The following CAMK2B variants were observed in gnomAD, a reference collection of about 807,000 sequenced individuals.
The protein encoded by CAMK2B is calcium/calmodulin dependent protein kinase II beta.
Under a neutral mutation model 93.7 loss-of-function variants are expected in CAMK2B, and 27 were observed. That is an observed-to-expected ratio of 0.29 (90% CI 0.21 to 0.40). CAMK2B has a LOEUF of 0.40. Among genes scored for constraint, CAMK2B ranks in the 10% least tolerant of loss-of-function variants. The probability of loss-of-function intolerance (pLI) is 1.00; values close to 1 mark genes in which losing one functional copy is unlikely to be tolerated. For synonymous variants in CAMK2B, 374 were observed against 358.8 expected (o/e 1.04, Z -0.48); for missense variants, 568 against 895.8 (o/e 0.63, Z 4.67).
At chr7:44,325,305 G>T in intron 1 of CAMK2B, 52 bp downstream of exon 1, 1 of 1,090,150 alleles carries the variant, frequency 9.2e-7, no homozygotes, top group Non-Finnish European at 1.2e-6. Context: ...GGTCCCGGAG[G>T]TCCCGGCCCT....
intron 1 of CAMK2B, among the ~76,000 whole-genome samples, chr7:44,294,132 A>AC (rs973507691): frequency 2.0e-5 from 3 of 151,500 alleles, no homozygotes; most frequent in Admixed American, 1.3e-4. Flanking sequence ...CACCTGGCTG[A>AC]CCCCCCTCCA....
intron 1 of CAMK2B, among the ~76,000 whole-genome samples, chr7:44,304,035 A>C (rs1156340801): frequency 1.3e-5 from 2 of 152,230 alleles, no homozygotes; most frequent in African/African-American, 4.8e-5. Context: ...AAATAAGACA[A>C]AAAAGAGCTA....
chr7:44,325,538 C>G lies in CAMK2B; in HGVS notation c.-117G>C, dbSNP rs910768023. The G allele has an allele frequency of 1.8e-5, 8 of 456,506 alleles. No individual in the cohort carries two copies. The highest frequency in any genetic ancestry group is 8.6e-5 in the African/African-American group (4 of 46,452). The allele number at this position is 456,506 out of a possible 1,614,324, so 28.3% of individuals were successfully genotyped here. The stretch of plus-strand genomic sequence containing the variant: ...CGGGCGCGGGAGACACCTCGGCTCG[C>G]GGCGCCAGGCGGGGGCCGGGCTGGG... On this transcript the variant is annotated 5_prime_UTR_variant, in exon 1 of 24. Coordinates refer to ENST00000395749, the MANE Select transcript of CAMK2B (RefSeq NM_001220.5).
intron 2 of CAMK2B, among the ~76,000 whole-genome samples, chr7:44,264,926 AG>A (rs953182555): frequency 7.9e-5 from 12 of 152,186 alleles, no homozygotes; most frequent in African/African-American, 2.9e-4. Flanking sequence ...TGGGGAGGGG[AG>A]GGGTCCATGC....
intron 1 of CAMK2B, among the ~76,000 whole-genome samples, chr7:44,294,688 G>A (rs1220536219): frequency 2.6e-5 from 4 of 152,110 alleles, no homozygotes; most frequent in African/African-American, 7.2e-5. Context: ...GTGCACCCAG[G>A]CCAGCACCCT....
chr7:44,253,362 C>T (rs538683320), intron 5 of CAMK2B, among the ~76,000 whole-genome samples: 130 of 151,898 alleles, frequency 8.6e-4, no homozygotes, highest in African/African-American at 3.0e-3. Flanking sequence ...TACAGGCATG[C>T]GCCACCACGC....
intron 1 of CAMK2B, among the ~76,000 whole-genome samples, chr7:44,296,838 T>A (rs1788450719): frequency 1.3e-5 from 2 of 152,030 alleles, no homozygotes. Flanking sequence ...CCATCAAAAA[T>A]AAGAAACAAA....
At chr7:44,290,647 T>C (rs1030229115) in intron 1 of CAMK2B, among the ~76,000 whole-genome samples, 4 of 152,234 alleles carry the variant, frequency 2.6e-5, no homozygotes, top group African/African-American at 9.6e-5. Flanking sequence ...TATTTGTGTG[T>C]TGGCTTAAAA....
At chr7:44,307,616 T>A (rs999244999) in intron 1 of CAMK2B, among the ~76,000 whole-genome samples, 1 of 152,022 alleles carries the variant, frequency 6.6e-6, no homozygotes, top group Non-Finnish European at 1.5e-5. Flanking sequence ...GGGGCCAACC[T>A]ACTCCCTGGG....
chr7:44,321,882 C>T (rs867231613), intron 1 of CAMK2B, among the ~76,000 whole-genome samples: 1 of 152,232 alleles, frequency 6.6e-6, no homozygotes, highest in African/African-American at 2.4e-5. Flanking sequence ...GGGAAAGGGG[C>T]GGCCCCAACG....
intron 2 of CAMK2B, among the ~76,000 whole-genome samples, chr7:44,282,706 C>T (rs1370959777): frequency 2.0e-5 from 3 of 152,252 alleles, no homozygotes; most frequent in African/African-American, 4.8e-5. Flanking sequence ...GCTCAAACAA[C>T]GCCGACACAT....
chr7:44,238,358 G>A (rs893627514), intron 13 of CAMK2B, among the ~76,000 whole-genome samples: 2 of 152,196 alleles, frequency 1.3e-5, no homozygotes, highest in Non-Finnish European at 1.5e-5. Context: ...ACAGGGCAGC[G>A]TAGAGGCAGC....
rs201726925 is a variant in CAMK2B, at chr7:44,248,988, TG to T, written c.342-1797del. ...TCCCTCCTCCCCATGTGCCCTGGGG[TG>T]TCCTGCCCATTTGTTGAAACATCCT... is the stretch of plus-strand genomic sequence containing the variant. On this transcript the variant is annotated intron_variant, in intron 5 of 23. Transcript: ENST00000395749. This position sits in a 1 kb window ranked among gnomAD's most constrained non-coding sequence, Gnocchi z 4.1. Among the ~76,000 whole-genome samples, 2,481 of 152,062 alleles carry T rather than the reference TG, an allele frequency of 0.016. 16 individuals are homozygous for T. Among genetic ancestry groups the T allele is most frequent in the South Asian group, 0.025 (120 of 4,812 alleles).
intron 6 of CAMK2B, 54 bp downstream of exon 6, chr7:44,247,066 C>T: frequency 2.1e-6 from 3 of 1,426,448 alleles, no homozygotes; most frequent in Non-Finnish European, 3.0e-6. Context: ...TCCTTGTACA[C>T]AGCATGCAGG....
At chr7:44,307,169 AGAG>A (rs1233805126) in intron 1 of CAMK2B, among the ~76,000 whole-genome samples, 36 of 121,996 alleles carry the variant, frequency 3.0e-4, no homozygotes, top group African/African-American at 3.5e-4. Flanking sequence ...GGGTGTGAGC[AGAG>A]GGAGGAGGGT....
chr7:44,265,433 G>C (rs754924763), intron 2 of CAMK2B, among the ~76,000 whole-genome samples: 3 of 152,230 alleles, frequency 2.0e-5, no homozygotes, highest in Middle Eastern at 3.2e-3. Flanking sequence ...ACATCGCCAC[G>C]GGACGTGTGG....
rs2096369962 is a variant in CAMK2B, at chr7:44,219,374, T to TTTC, written c.*150_*151insGAA. 7.3e-6 allele frequency: 1 copy of TTTC among 137,670 alleles called. No individual in the cohort carries two copies. Among genetic ancestry groups the TTTC allele is most frequent in the Admixed American group, 7.5e-5 (1 of 13,280 alleles). 8.5% of individuals were successfully genotyped at this position (137,670 alleles called of 1,614,324 possible). A position where few individuals can be genotyped will look rare whatever the true frequency, so the allele number is the denominator to read the frequency against. ...TTTTTTTTTTTTTTTTGTTTTTTTT[T>TTTC]AACAAATCACATCTGGTCTTGTTTT... On this transcript the variant is annotated 3_prime_UTR_variant, in exon 24 of 24. Transcript: ENST00000395749.
chr7:44,223,491 C>T (rs2128873914), intron 20 of CAMK2B, among the ~76,000 whole-genome samples: 1 of 152,312 alleles, frequency 6.6e-6, no homozygotes, highest in Admixed American at 6.5e-5. Flanking sequence ...ATTCCACCTG[C>T]CCAGCTCTAG....
chr7:44,220,486 G>A (rs2096386723), intron 22 of CAMK2B, 130 bp downstream of exon 22: 2 of 901,032 alleles, frequency 2.2e-6, no homozygotes, highest in Non-Finnish European at 3.4e-6. Flanking sequence ...CGGGGGAGAG[G>A]TGGCTGGCCA....
Sources: allele counts gnomAD v4.1 joint callset (sites outside exome capture counted in the v4.1 genomes callset), GRCh38; gene constraint gnomAD v4.1.1; non-coding constraint Gnocchi (gnomAD v3.1); transcripts MANE v1.5; gene names NCBI Gene and HGNC (gene_info 2026-07-23, HGNC 2026-07-21).